Variants in TBC1D10A observed in about 807,000 individuals in gnomAD.
The protein encoded by TBC1D10A is TBC1 domain family member 10A.
Under a neutral mutation model 52.9 loss-of-function variants are expected in TBC1D10A, and 24 were observed. The observed-to-expected ratio is 0.45, with a 90% CI of 0.33 to 0.64. The LOEUF (loss-of-function observed/expected upper bound fraction) is 0.64, where lower values mean the gene tolerates loss of function less well. Ranked by LOEUF, TBC1D10A falls within the 30% of genes least tolerant of loss-of-function variation. The pLI, the probability that TBC1D10A is intolerant of heterozygous loss-of-function variation, is 0.02. For missense variants in TBC1D10A, 602 were observed against 687.9 expected, an observed-to-expected ratio of 0.88 and a Z score of 1.40; for synonymous variants, 278 against 282.9, an observed-to-expected ratio of 0.98 and a Z score of 0.17.
At chr22:30,312,858 C>A (rs1930453707) in intron 1 of TBC1D10A, among the ~76,000 whole-genome samples, 1 of 152,132 alleles carries the variant, frequency 6.6e-6, no homozygotes, top group Non-Finnish European at 1.5e-5. Context: ...GTGTTCCAGG[C>A]CCTGAATCTA....
At chr22:30,322,748 A>G (rs1451272725) in intron 1 of TBC1D10A, among the ~76,000 whole-genome samples, 1 of 150,654 alleles carries the variant, frequency 6.6e-6, no homozygotes, top group Non-Finnish European at 1.5e-5. Context: ...GGTGCATGAC[A>G]CCACACCCAA....
Position 30,292,620 on chromosome 22 carries a change from G to C in TBC1D10A, c.1282C>G (p.Pro428Ala), listed in dbSNP as rs1299984309. 21 of 1,613,480 alleles carry C rather than the reference G, an allele frequency of 1.3e-5. No homozygotes were observed. The highest frequency in any genetic ancestry group is 1.7e-5 in the Non-Finnish European group (20 of 1,179,756). Reference sequence around the variant, plus strand: ...CGCTGCTCCTTCTGGGCCTGCTTGGGTGGCTTGGGCTTGGCTTTGGAGCCA... The same window carrying C: ...CGCTGCTCCTTCTGGGCCTGCTTGGCTGGCTTGGGCTTGGCTTTGGAGCCA... Reference protein sequence around the residue: ...LPGSKAKPKPPKQAQKEQRKQ... With the variant: ...LPGSKAKPKPAKQAQKEQRKQ... The change falls in exon 9 of 9, where the codon CCC (proline) becomes GCC (alanine). Residue 428 changes from proline to alanine, a missense_variant. Around this residue, in one of 3 missense-constraint regions of TBC1D10A, gnomAD observed 265 missense variants for 275.1 expected, o/e 0.96. Transcript: ENST00000215790.
At chr22:30,303,518 G>A (rs935191827) in intron 2 of TBC1D10A, among the ~76,000 whole-genome samples, 6 of 152,210 alleles carry the variant, frequency 3.9e-5, no homozygotes, top group Admixed American at 3.3e-4. Context: ...AGGCTGAGAG[G>A]GTGAAGTGAC....
At chr22:30,312,234 C>T (rs548936725) in intron 1 of TBC1D10A, among the ~76,000 whole-genome samples, 36 of 152,208 alleles carry the variant, frequency 2.4e-4, no homozygotes, top group African/African-American at 7.2e-4. Flanking sequence ...CCTGACTCAT[C>T]CTTACCAAAC....
At chr22:30,315,112 C>T (rs1207691207) in intron 1 of TBC1D10A, among the ~76,000 whole-genome samples, 1 of 152,204 alleles carries the variant, frequency 6.6e-6, no homozygotes, top group African/African-American at 2.4e-5. Flanking sequence ...TCCCAACCTG[C>T]CCTGGCAGGC....
intron 1 of TBC1D10A, among the ~76,000 whole-genome samples, chr22:30,309,718 C>T (rs17656850): frequency 0.2 from 30,693 of 152,158 alleles, 3,366 homozygotes; most frequent in Middle Eastern, 0.35. Context: ...AGTTTCCTAG[C>T]GTTCTCCCAA....
intron 1 of TBC1D10A, among the ~76,000 whole-genome samples, chr22:30,308,295 C>CATG (rs1569162163): frequency 0.031 from 2,528 of 80,304 alleles, 41 homozygotes; most frequent in Non-Finnish European, 0.036. Flanking sequence ...TGCCTGCATG[C>CATG]CTGCATGCCT....
intron 1 of TBC1D10A, among the ~76,000 whole-genome samples, chr22:30,320,872 C>T (rs530785116): frequency 7.3e-4 from 111 of 152,328 alleles, no homozygotes; most frequent in Non-Finnish European, 1.5e-3. Flanking sequence ...AGAAGTGAAG[C>T]AACATGTCCA....
Position 30,313,550 on chromosome 22 carries a change from A to ATTTT in TBC1D10A, c.210-8924_210-8921dup, listed in dbSNP as rs35640957. Among the ~76,000 whole-genome samples, 45 of 42,210 alleles carry ATTTT rather than the reference A, an allele frequency of 1.1e-3. No homozygotes were observed. The East Asian group carries it at 0.028, about 26-fold the overall frequency. 27.7% of individuals were successfully genotyped at this position (42,210 alleles called of 152,430 possible). A position where few individuals can be genotyped will look rare whatever the true frequency, so the allele number is the denominator to read the frequency against. Reference sequence around the variant, plus strand: ...AGGTGTGCGCCACCACGGCCAGCTAATTTTTTTTTTTTTTTTTTTTTTTTT... The same window carrying ATTTT: ...AGGTGTGCGCCACCACGGCCAGCTAATTTTTTTTTTTTTTTTTTTTTTTTTTTTT... On this transcript the variant is annotated intron_variant, in intron 1 of 8. Transcript: ENST00000215790.
chr22:30,318,832 T>G, intron 1 of TBC1D10A: 1 of 406,786 alleles, frequency 2.5e-6, no homozygotes, highest in East Asian at 7.1e-5. Context: ...CCGTCTTCCA[T>G]GCCAGACCTG....
At chr22:30,300,701 G>A (rs1930185111) in intron 2 of TBC1D10A, 1 of 152,164 alleles carries the variant, frequency 6.6e-6, no homozygotes, top group Non-Finnish European at 1.5e-5. Context: ...GAAGGAAGAT[G>A]GGAGCTGCTC....
chr22:30,304,840 A>G (rs1930279305), intron 1 of TBC1D10A, among the ~76,000 whole-genome samples: 1 of 152,206 alleles, frequency 6.6e-6, no homozygotes, highest in Non-Finnish European at 1.5e-5. Context: ...AGCTAGAGAG[A>G]CAGCAGGTGG....
chr22:30,303,354 T>C (rs1930246696), intron 2 of TBC1D10A, among the ~76,000 whole-genome samples: 1 of 152,106 alleles, frequency 6.6e-6, no homozygotes, highest in Non-Finnish European at 1.5e-5. Flanking sequence ...GATAGACAGA[T>C]AGCTATAGAG....
intron 6 of TBC1D10A, 22 bp from the exon 7 acceptor site, chr22:30,294,132 G>A (rs772970949): frequency 1.7e-5 from 27 of 1,610,004 alleles, no homozygotes; most frequent in African/African-American, 5.3e-5. Flanking sequence ...TCGAGGCCAC[G>A]GGACCATGAC....
At chr22:30,318,862 C>G (rs1234615855) in intron 1 of TBC1D10A, 4 of 374,484 alleles carry the variant, frequency 1.1e-5, no homozygotes, top group Non-Finnish European at 2.1e-5. Flanking sequence ...TTATGCAACA[C>G]AGGAGGCCTC....
At position 30,299,903 on chromosome 22, in the gene TBC1D10A, T is replaced by G. The variant is rs188094285; in HGVS notation, c.310-352A>C. On this transcript the variant is annotated intron_variant, in intron 2 of 8. Transcript: ENST00000215790. ...AATCATTTGAACCCGGGAAGCAGAG[T>G]TGCAGTGAGCCAAGATCGTGCCATT... is the stretch of plus-strand genomic sequence containing the variant. 1.3e-3 allele frequency: 246 copies of G among 193,686 alleles called. 1 individual carries two copies. Among genetic ancestry groups the G allele is most frequent in the African/African-American group, 5.8e-3 (241 of 41,744 alleles). The allele number at this position is 193,686 out of a possible 1,614,324, so 12.0% of individuals were successfully genotyped here. A position where few individuals can be genotyped will look rare whatever the true frequency, so the allele number is the denominator to read the frequency against.
intron 1 of TBC1D10A, among the ~76,000 whole-genome samples, chr22:30,317,417 AC>A: frequency 7.6e-6 from 1 of 132,332 alleles, no homozygotes; most frequent in Admixed American, 7.4e-5. Flanking sequence ...TCTCAAAAAA[AC>A]AAAACAAAAC....
chr22:30,292,341 G>T lies in TBC1D10A; in HGVS notation c.*34C>A. The T allele has an allele frequency of 6.6e-7, 1 of 1,506,614 alleles. No homozygotes were observed. The highest frequency in any genetic ancestry group is 8.9e-7 in the Non-Finnish European group (1 of 1,123,228). 93.3% of individuals were successfully genotyped at this position (1,506,614 alleles called of 1,614,324 possible). ...CAGTTCATGAACCGTGTAGTTATATGGAGACCCCGCCCTGGAGGCCTTAGC... is the reference window on the plus strand; with the variant it reads ...CAGTTCATGAACCGTGTAGTTATATTGAGACCCCGCCCTGGAGGCCTTAGC... On this transcript the variant is annotated 3_prime_UTR_variant, in exon 9 of 9. Transcript: ENST00000215790.
At chr22:30,295,656 C>T in intron 4 of TBC1D10A, 81 bp downstream of exon 4, 1 of 1,431,120 alleles carries the variant, frequency 7.0e-7, no homozygotes. Flanking sequence ...TTCTAAAGCC[C>T]TGAACTCACT....
Sources: allele counts gnomAD v4.1 joint callset (sites outside exome capture counted in the v4.1 genomes callset), GRCh38; gene constraint gnomAD v4.1.1; regional missense constraint gnomAD v4.1.1; transcripts MANE v1.5; gene names NCBI Gene and HGNC (gene_info 2026-07-23, HGNC 2026-07-21).